The following PCDHGA4 variants were observed in gnomAD, a reference collection of about 807,000 sequenced individuals.
PCDHGA4 encodes the protein protocadherin gamma subfamily A, 4.
A neutral mutation model predicts 54.6 loss-of-function variants in PCDHGA4; 38 were observed. The ratio of observed to expected loss-of-function variants is 0.70; its 90% CI spans 0.54 to 0.91. The LOEUF (loss-of-function observed/expected upper bound fraction) is 0.91. Among genes scored for constraint, PCDHGA4 ranks in the 40% least tolerant of loss-of-function variants. PCDHGA4 has a pLI of 0.00. For missense variants in PCDHGA4, 1,298 were observed against 1,220.9 expected, an observed-to-expected ratio of 1.06 and a Z score of -0.94; for synonymous variants, 511 against 512.9, an observed-to-expected ratio of 1.00 and a Z score of 0.05.
At chr5:141,506,188 C>A (rs925159785) in intron 3 of PCDHGA4, among the ~76,000 whole-genome samples, 1 of 152,058 alleles carries the variant, frequency 6.6e-6, no homozygotes, top group Non-Finnish European at 1.5e-5. Flanking sequence ...TGGTGGCTCA[C>A]GCCTGTAATC....
At chr5:141,399,008 G>A (rs2093737383) in intron 1 of PCDHGA4, 4 of 1,613,904 alleles carry the variant, frequency 2.5e-6, no homozygotes, top group African/African-American at 1.3e-5. Flanking sequence ...AATTCAAAGA[G>A]CGGAGAAATT....
At chr5:141,408,036 A>C in intron 1 of PCDHGA4, 1 of 1,132,834 alleles carries the variant, frequency 8.8e-7, no homozygotes, top group Non-Finnish European at 1.2e-6. Flanking sequence ...GAAGAAAACC[A>C]GCTCCCACAC....
rs201851177 is a variant in PCDHGA4, at chr5:141,376,061, C to G, written c.2514+18440C>G. On this transcript the variant is annotated intron_variant, in intron 1 of 3. Transcript: ENST00000571252. ...GCCCCCTCTCTCCGCCACTGTCACG[C>G]TCACCGTGGCCGTGGCCGACAGGAT... is the stretch of plus-strand genomic sequence containing the variant. The G allele has an allele frequency of 8.2e-4, 1,321 of 1,613,326 alleles. No individual in the cohort carries two copies. Among genetic ancestry groups the G allele is most frequent in the Non-Finnish European group, 1.0e-3 (1,200 of 1,179,910 alleles).
At chr5:141,447,884 G>A (rs1324802340) in intron 1 of PCDHGA4, among the ~76,000 whole-genome samples, 1 of 152,024 alleles carries the variant, frequency 6.6e-6, no homozygotes, top group Non-Finnish European at 1.5e-5. Context: ...TCAGGAGTTC[G>A]AGACCAGCCT....
intron 1 of PCDHGA4, chr5:141,371,983 T>C (rs1411843900): frequency 2.5e-6 from 4 of 1,613,106 alleles, no homozygotes; most frequent in Non-Finnish European, 3.4e-6. Flanking sequence ...GCCTTCGAGC[T>C]CACTCTGCAG....
At chr5:141,497,478 C>A (rs974494984) in intron 2 of PCDHGA4, among the ~76,000 whole-genome samples, 1 of 150,954 alleles carries the variant, frequency 6.6e-6, no homozygotes, top group African/African-American at 2.4e-5. Flanking sequence ...GGAGAAGGTG[C>A]GGAACCTCTC....
At position 141,374,455 on chromosome 5, in the gene PCDHGA4, G is replaced by A. The variant is rs772470084; in HGVS notation, c.2514+16834G>A. 3.7e-6 allele frequency: 6 copies of A among 1,613,610 alleles called. No homozygotes were observed. In the South Asian group the frequency reaches 5.5e-5, roughly 15 times the overall value. The stretch of plus-strand genomic sequence containing the variant: ...TTTATCCCGTGGAAGTGGAAATAGT[G>A]GACATTAATGACAATACACCCCGAT... On this transcript the variant is annotated intron_variant, in intron 1 of 3. Coordinates refer to ENST00000571252, the MANE Select transcript of PCDHGA4 (RefSeq NM_018917.4).
chr5:141,455,798 T>TA (rs2098831882), intron 1 of PCDHGA4, among the ~76,000 whole-genome samples: 1 of 152,036 alleles, frequency 6.6e-6, no homozygotes, highest in African/African-American at 2.4e-5. Flanking sequence ...GGAGATGCTT[T>TA]AAAAAATGAA....
In PCDHGA4 at chr5:141,491,707, G is replaced by A. The variant is rs1337506934; in HGVS notation, c.2515-3100G>A. ...GCTGCGGGAGCGGAGCCAGGTGAGG[G>A]GCTCGGCGCCGCCCCGGGCGACCCC... On this transcript the variant is annotated intron_variant, in intron 1 of 3. Transcript: ENST00000571252. The surrounding 1 kb of genome is among the most constrained non-coding windows in gnomAD (Gnocchi z 6.9). The A allele has an allele frequency of 6.2e-6, 10 of 1,610,604 alleles. No homozygotes were observed. Among genetic ancestry groups the A allele is most frequent in the Admixed American group, 1.7e-5 (1 of 59,554 alleles).
chr5:141,360,890 G>C, intron 1 of PCDHGA4: 2 of 1,614,058 alleles, frequency 1.2e-6, no homozygotes, highest in Non-Finnish European at 1.7e-6. Context: ...GTCACCCTGA[G>C]GGAGGACGTG....
At chr5:141,445,781 G>A (rs1424622281) in intron 1 of PCDHGA4, among the ~76,000 whole-genome samples, 25 of 152,112 alleles carry the variant, frequency 1.6e-4, no homozygotes, top group Admixed American at 1.6e-3. Flanking sequence ...AAAGGGCTAG[G>A]GAGGCTAGAA....
At chr5:141,482,572 T>C (rs1367788391) in intron 1 of PCDHGA4, among the ~76,000 whole-genome samples, 1 of 137,636 alleles carries the variant, frequency 7.3e-6, no homozygotes, top group Admixed American at 7.3e-5. Context: ...CTGCATAGCA[T>C]AAGATGCAGT....
chr5:141,362,462 C>T (rs928339926), intron 1 of PCDHGA4: 6 of 1,614,032 alleles, frequency 3.7e-6, no homozygotes, highest in Non-Finnish European at 5.1e-6. Flanking sequence ...GAATTGGTTC[C>T]CGCGCAAGAT....
At chr5:141,392,965 A>C in intron 1 of PCDHGA4, 1 of 1,613,890 alleles carries the variant, frequency 6.2e-7, no homozygotes, top group East Asian at 2.2e-5. Context: ...ATCTCCAAGG[A>C]CCTGGGGCTG....
At chr5:141,413,605 G>A in intron 1 of PCDHGA4, 1 of 1,613,854 alleles carries the variant, frequency 6.2e-7, no homozygotes, top group Non-Finnish European at 8.5e-7. Flanking sequence ...AAATCTAGAC[G>A]TAAAAATTAA....
At chr5:141,405,476 G>A (rs1214119236) in intron 1 of PCDHGA4, 1 of 1,048,044 alleles carries the variant, frequency 9.5e-7, no homozygotes, top group Non-Finnish European at 1.4e-6. Flanking sequence ...CTGGAATGCA[G>A]TGGTGTGATC....
chr5:141,419,759 G>A (rs1179602962), intron 1 of PCDHGA4: 2 of 1,614,004 alleles, frequency 1.2e-6, no homozygotes, highest in Admixed American at 3.3e-5. Context: ...TGCTTTGGGT[G>A]ACAAGGACTC....
intron 1 of PCDHGA4, among the ~76,000 whole-genome samples, chr5:141,443,866 T>C (rs1017854695): frequency 6.6e-6 from 1 of 151,986 alleles, no homozygotes; most frequent in Non-Finnish European, 1.5e-5. Context: ...ACTGAAAAAA[T>C]TACTGATAAG....
chr5:141,382,044 G>T (rs940702463), intron 1 of PCDHGA4, among the ~76,000 whole-genome samples: 4 of 151,760 alleles, frequency 2.6e-5, no homozygotes, highest in African/African-American at 9.7e-5. Flanking sequence ...GGTCAGGCTG[G>T]TCTCAAGCTC....
Sources: gnomAD v4.1 joint callset for allele counts (sites outside exome capture counted in the v4.1 genomes callset) on GRCh38, gnomAD v4.1.1 for gene constraint, Gnocchi (gnomAD v3.1) non-coding constraint, MANE v1.5 for transcripts, NCBI Gene and HGNC (gene_info 2026-07-23, HGNC 2026-07-21) for gene names.